The following MYO1D variants were observed in gnomAD, a reference collection of about 807,000 sequenced individuals.
MYO1D encodes unconventional myosin-Id.
Under a neutral mutation model 122.0 loss-of-function variants are expected in MYO1D, and 83 were observed. That is an observed-to-expected ratio of 0.68 (90% CI 0.57 to 0.82). MYO1D has a LOEUF of 0.82. MYO1D is among the 40% of genes least tolerant of loss of function. The pLI, the probability that MYO1D is intolerant of heterozygous loss-of-function variation, is 0.00. For synonymous variants in MYO1D, 464 were observed against 446.9 expected (o/e 1.04, Z -0.48); for missense variants, 1,157 against 1,269.5 (o/e 0.91, Z 1.35).
chr17:32,851,778 A>G (rs949487903), intron 1 of MYO1D, among the ~76,000 whole-genome samples: 6 of 152,180 alleles, frequency 3.9e-5, no homozygotes, highest in African/African-American at 1.2e-4. Flanking sequence ...ACAGTTCGCA[A>G]TAGGGTTTGC....
At chr17:32,553,077 C>CAAAAAAAAAAAACAAAAAAAAA (rs2087033008) in intron 21 of MYO1D, among the ~76,000 whole-genome samples, 1 of 105,846 alleles carries the variant, frequency 9.4e-6, no homozygotes, top group African/African-American at 4.0e-5. Context: ...TTCTCTAAGA[C>CAAAAAAAAAAAACAAAAAAAAA]AAAAAAAAAA....
chr17:32,572,240 C>T (rs186660906), intron 21 of MYO1D, among the ~76,000 whole-genome samples: 4 of 151,718 alleles, frequency 2.6e-5, no homozygotes, highest in Admixed American at 2.6e-4. Context: ...CCCCCTCGCC[C>T]ACCTCCCACC....
At chr17:32,554,240 T>G (rs1251236602) in intron 21 of MYO1D, among the ~76,000 whole-genome samples, 1 of 147,312 alleles carries the variant, frequency 6.8e-6, no homozygotes, top group Non-Finnish European at 1.5e-5. Context: ...TGAGAATCAC[T>G]GCACATAGTG....
At chr17:32,846,337 A>G (rs1017436158) in intron 1 of MYO1D, among the ~76,000 whole-genome samples, 7 of 152,262 alleles carry the variant, frequency 4.6e-5, no homozygotes, top group African/African-American at 1.7e-4. Context: ...GATCACACAC[A>G]GGACTATTAA....
chr17:32,857,223 C>T (rs980841340), intron 1 of MYO1D, among the ~76,000 whole-genome samples: 13 of 152,184 alleles, frequency 8.5e-5, no homozygotes, highest in African/African-American at 3.1e-4. Flanking sequence ...GTTTCCTTCC[C>T]ATTTTCCATT....
chr17:32,595,929 C>T (rs928766728), intron 21 of MYO1D, among the ~76,000 whole-genome samples: 1 of 152,048 alleles, frequency 6.6e-6, no homozygotes, highest in Admixed American at 6.6e-5. Context: ...CCTGGTGAGA[C>T]GATACATGAG....
intron 1 of MYO1D, among the ~76,000 whole-genome samples, chr17:32,833,353 T>A (rs567697999): frequency 6.6e-6 from 1 of 152,314 alleles, no homozygotes; most frequent in South Asian, 2.1e-4. Flanking sequence ...ACAATCCATC[T>A]CTCTTCAAAG....
At chr17:32,844,393 TATATA>T in intron 1 of MYO1D, among the ~76,000 whole-genome samples, 1 of 147,032 alleles carries the variant, frequency 6.8e-6, no homozygotes, top group East Asian at 1.9e-4. Flanking sequence ...ATATATACTA[TATATA>T]ATATGTATAT....
chr17:32,814,850 T>C (rs1242562725), intron 1 of MYO1D, among the ~76,000 whole-genome samples: 1 of 152,206 alleles, frequency 6.6e-6, no homozygotes, highest in African/African-American at 2.4e-5. Context: ...AGGCCTTTGC[T>C]CCATGCAACT....
intron 1 of MYO1D, among the ~76,000 whole-genome samples, chr17:32,874,481 T>C (rs2091211997): frequency 6.6e-6 from 1 of 152,198 alleles, no homozygotes; most frequent in Non-Finnish European, 1.5e-5. Flanking sequence ...GTTGTTTTCT[T>C]GAACTATTCT....
chr17:32,500,592 T>G (rs1215551695), intron 21 of MYO1D, among the ~76,000 whole-genome samples: 7 of 152,140 alleles, frequency 4.6e-5, no homozygotes, highest in Admixed American at 4.6e-4. Context: ...ACTACGTGTG[T>G]TGAGCTCACC....
intron 21 of MYO1D, among the ~76,000 whole-genome samples, chr17:32,521,568 T>C (rs547284837): frequency 1.3e-5 from 2 of 152,358 alleles, no homozygotes; most frequent in East Asian, 3.9e-4. Flanking sequence ...TAATTTAAAA[T>C]GTTTCGGGAA....
chr17:32,561,239 T>A (rs1356617851), intron 21 of MYO1D, among the ~76,000 whole-genome samples: 2 of 152,150 alleles, frequency 1.3e-5, no homozygotes, highest in Non-Finnish European at 2.9e-5. Context: ...AAGAGAGGTA[T>A]GTTTTTGAAA....
At position 32,494,079 on chromosome 17, in the gene MYO1D, G is replaced by A. The variant is rs1908995748; in HGVS notation, c.*680C>T. 1 of 152,692 alleles carries A rather than the reference G, an allele frequency of 6.5e-6. No individual in the cohort carries two copies. Among genetic ancestry groups the A allele is most frequent in the African/African-American group, 2.4e-5 (1 of 41,476 alleles). 9.5% of individuals were successfully genotyped at this position (152,692 alleles called of 1,614,324 possible). A position where few individuals can be genotyped will look rare whatever the true frequency, so the allele number is the denominator to read the frequency against. On this transcript the variant is annotated 3_prime_UTR_variant, in exon 22 of 22. Transcript: ENST00000318217. ...AGCATGCCACACTGTCCTCTCCAGA[G>A]CGGTGGTCAGAGGCCCTGGTGGGGG...
chr17:32,524,850 T>C lies in MYO1D; in HGVS notation c.2865-29935A>G, dbSNP rs543535979. Among the ~76,000 whole-genome samples the C allele has an allele frequency of 8.4e-4, 128 of 152,114 alleles. 1 individual carries two copies. The highest frequency in any genetic ancestry group is 1.3e-3 in the Non-Finnish European group (89 of 68,004). ...TGCTGGGATTACAATCGTGAGCCAC[T>C]GCGCCTGGCCTTGACTAATTCTTTT... On this transcript the variant is annotated intron_variant, in intron 21 of 21. Transcript: ENST00000318217.
At chr17:32,656,833 T>G (rs2088483751) in intron 17 of MYO1D, among the ~76,000 whole-genome samples, 1 of 152,338 alleles carries the variant, frequency 6.6e-6, no homozygotes, top group East Asian at 1.9e-4. Flanking sequence ...GCCCTTGATC[T>G]CCAAATTTCA....
intron 20 of MYO1D, among the ~76,000 whole-genome samples, chr17:32,635,661 C>G (rs1340567433): frequency 6.6e-6 from 1 of 151,952 alleles, no homozygotes; most frequent in Non-Finnish European, 1.5e-5. Context: ...CCACTGCACT[C>G]CAGTCTGGGT....
intron 16 of MYO1D, among the ~76,000 whole-genome samples, chr17:32,709,605 G>A (rs1484464656): frequency 2.0e-5 from 3 of 152,010 alleles, no homozygotes; most frequent in Non-Finnish European, 4.4e-5. Flanking sequence ...AATGTTTTGG[G>A]ATGAAACAGA....
chr17:32,604,785 A>C (rs1230825536), intron 21 of MYO1D, among the ~76,000 whole-genome samples: 1 of 152,246 alleles, frequency 6.6e-6, no homozygotes, highest in African/African-American at 2.4e-5. Context: ...GAAGAATATA[A>C]AGTAATTTGT....
Sources: gnomAD v4.1 joint callset for allele counts (sites outside exome capture counted in the v4.1 genomes callset) on GRCh38, gnomAD v4.1.1 for gene constraint, MANE v1.5 for transcripts, NCBI Gene and HGNC (gene_info 2026-07-23, HGNC 2026-07-21) for gene names.